Variants in CORO7 observed in about 807,000 individuals in gnomAD.
CORO7 encodes the protein coronin 7.
Under a neutral mutation model 126.6 loss-of-function variants are expected in CORO7, and 107 were observed. The ratio of observed to expected loss-of-function variants is 0.85; its 90% confidence interval spans 0.72 to 0.99. The LOEUF (loss-of-function observed/expected upper bound fraction) is 0.99. Ranked by LOEUF, CORO7 falls within the 50% of genes least tolerant of loss-of-function variation. The pLI, the probability that CORO7 is intolerant of heterozygous loss-of-function variation, is 0.00. For synonymous variants in CORO7, 603 were observed against 536.8 expected, an observed-to-expected ratio of 1.12 and a Z score of -1.70; for missense variants, 1,314 against 1,255.8, an observed-to-expected ratio of 1.05 and a Z score of -0.70.
At chr16:4,403,171 T>C (rs558548412) in intron 6 of CORO7, among the ~76,000 whole-genome samples, 1 of 151,544 alleles carries the variant, frequency 6.6e-6, no homozygotes, top group South Asian at 2.1e-4. Flanking sequence ...TGGTGTGGGG[T>C]GGGCCCATCC....
At chr16:4,404,060 C>T (rs568712149) in intron 6 of CORO7, among the ~76,000 whole-genome samples, 2 of 152,314 alleles carry the variant, frequency 1.3e-5, no homozygotes, top group Non-Finnish European at 2.9e-5. Context: ...TCAACGCACA[C>T]CACAGAGGAA....
intron 9 of CORO7, among the ~76,000 whole-genome samples, chr16:4,375,031 C>T (rs1567265700): frequency 1.3e-5 from 2 of 152,080 alleles, no homozygotes; most frequent in South Asian, 2.1e-4. Context: ...CTGGACTGGC[C>T]CATTTCTAGT....
At chr16:4,407,935 TCTA>T (rs1385766327) in intron 4 of CORO7, among the ~76,000 whole-genome samples, 1 of 152,090 alleles carries the variant, frequency 6.6e-6, no homozygotes, top group East Asian at 1.9e-4. Flanking sequence ...GGGAAGTGGC[TCTA>T]CTGTTTCTGG....
intron 1 of CORO7, among the ~76,000 whole-genome samples, chr16:4,416,106 C>T (rs1410627511): frequency 6.6e-6 from 1 of 152,124 alleles, no homozygotes. Flanking sequence ...GCGCCCCGAG[C>T]CCCGGCTCCC....
At chr16:4,407,875 G>A (rs1349817689) in intron 4 of CORO7, among the ~76,000 whole-genome samples, 191 bp from the exon 5 acceptor site, 4 of 152,202 alleles carry the variant, frequency 2.6e-5, no homozygotes, top group African/African-American at 4.8e-5. Context: ...ATCCGAGAAA[G>A]GAGGGAGGGA....
rs1431143669 is a variant in CORO7 at position 4,360,640 on chromosome 16, G to A, written c.1918-92C>T. Reference sequence around the variant, plus strand: ...CCTGCCCCTCCTCACTGCTGGCGCCGCCCCTCCTCACTGCTGTTCCCGCCT... The same window carrying A: ...CCTGCCCCTCCTCACTGCTGGCGCCACCCCTCCTCACTGCTGTTCCCGCCT... On this transcript the variant is annotated intron_variant, in intron 19 of 27. Transcript: ENST00000251166. 139 of 1,439,568 alleles carry A rather than the reference G, an allele frequency of 9.7e-5. 2 individuals carry two copies. The Admixed American group carries it at 2.2e-3, about 23-fold the overall frequency. 89.2% of individuals were successfully genotyped at this position (1,439,568 alleles called of 1,614,324 possible).
rs943686367 is a variant in CORO7 at position 4,362,588 on chromosome 16, G to A, written c.1402+24C>T. ...CAGACAGGGCTCCTGCGGTAGGGGT[G>A]AGCTCCCCGTCCTGCCTCCTTACCC... On this transcript the variant is annotated intron_variant, in intron 15 of 27. Transcript: ENST00000251166. The surrounding 1 kb of genome is among the most constrained non-coding windows in gnomAD (Gnocchi z 5.3). The A allele has an allele frequency of 6.5e-7, 1 of 1,535,572 alleles. No homozygotes were observed. The highest frequency in any genetic ancestry group is 8.7e-7 in the Non-Finnish European group (1 of 1,145,048).
Position 4,364,936 on chromosome 16 carries a change from T to A in CORO7, c.899-16A>T, listed in dbSNP as rs753904069. The A allele has an allele frequency of 7.5e-6, 12 of 1,608,372 alleles. No homozygotes were observed. Among genetic ancestry groups the A allele is most frequent in the South Asian group, 6.6e-5 (6 of 90,354 alleles). ...CACTGGGTCACTGTTGAGGACACCA[T>A]AGGGGAACAGGCAGGATGGGCAGGG... On this transcript the variant is annotated splice_polypyrimidine_tract_variant and intron_variant, in intron 11 of 27. Coordinates refer to ENST00000251166, the MANE Select transcript of CORO7 (RefSeq NM_024535.5).
intron 9 of CORO7, among the ~76,000 whole-genome samples, chr16:4,376,903 AG>A (rs1398820929): frequency 6.6e-6 from 1 of 152,166 alleles, no homozygotes; most frequent in East Asian, 1.9e-4. Context: ...CCTCTCCCTT[AG>A]TAGTACCCAC....
rs189287305 is a variant in CORO7, at chr16:4,384,316, A to C, written c.785+3670T>G. 5.2e-3 allele frequency among the ~76,000 whole-genome samples: 787 copies of C among 152,334 alleles called. 8 individuals are homozygous for C. The highest frequency in any genetic ancestry group is 0.018 in the African/African-American group (741 of 41,580). ...TGGGAGCATTTTCCAGGAAGGCTGC[A>C]TGCTGAGGTGGGGGCAGTGATGCTG... On this transcript the variant is annotated intron_variant, in intron 9 of 27. Coordinates refer to ENST00000251166, the MANE Select transcript of CORO7 (RefSeq NM_024535.5).
rs2054092253 is a variant in CORO7, at chr16:4,359,559, A to C, written c.2171T>G (p.Val724Gly). 2 of 1,612,986 alleles carry C rather than the reference A, an allele frequency of 1.2e-6. No individual in the cohort carries two copies. The highest frequency in any genetic ancestry group is 1.7e-6 in the Non-Finnish European group (2 of 1,179,722). ...TGAGGGAGCCACGTCCAGGCCCAAC[A>C]CTGCCAAGGGTCCGCCGGCCAGGGC... ...AEALAGGPLA[V>G]LGLDVAPSTL... Residue 724 changes from valine (V) to glycine (G), a missense_variant, in exon 22 of 28, where the codon GTG becomes GGG. By Grantham distance (109) the Val-to-Gly change is moderately radical (BLOSUM62 -3). Coordinates refer to ENST00000251166, the MANE Select transcript of CORO7 (RefSeq NM_024535.5).
At chr16:4,397,475 C>T (rs1188387919) in intron 6 of CORO7, 1 of 151,900 alleles carries the variant, frequency 6.6e-6, no homozygotes, top group East Asian at 1.9e-4. Flanking sequence ...AAAAAGCTGC[C>T]GTAGGCCAGG....
At position 4,382,502 on chromosome 16, in the gene CORO7, G is replaced by A. The variant is rs1396632981; in HGVS notation, c.785+5484C>T. ...TGTGTCATGCCTTTGGGGCCCGGGCGGGTGCCGGAGGGCGAGGAGGCCTGC... is the reference window on the plus strand; with the variant it reads ...TGTGTCATGCCTTTGGGGCCCGGGCAGGTGCCGGAGGGCGAGGAGGCCTGC... On this transcript the variant is annotated intron_variant, in intron 9 of 27. Coordinates refer to ENST00000251166, the MANE Select transcript of CORO7 (RefSeq NM_024535.5). The A allele has an allele frequency of 1.0e-5, 16 of 1,591,986 alleles. No individual in the cohort carries two copies. The highest frequency in any genetic ancestry group is 4.5e-5 in the East Asian group (2 of 43,964).
At chr16:4,382,262 G>C in intron 9 of CORO7, 1 of 1,608,406 alleles carries the variant, frequency 6.2e-7, no homozygotes, top group Non-Finnish European at 8.5e-7. Context: ...AGGCCACCAC[G>C]GTCCCTGACC....
At position 4,388,012 on chromosome 16, in the gene CORO7, G is replaced by C. The variant is rs1179521156; in HGVS notation, c.759C>G (p.Ala253=). Residue 253 remains alanine, a synonymous_variant, in exon 9 of 28, where the codon GCC becomes GCG. Transcript: ENST00000251166. ...CAAGCGAGGTGTCCAAGGTGAGGGAGGCCAGGGCGCTGGAGAAGAACCGCG... is the reference window on the plus strand; with the variant it reads ...CAAGCGAGGTGTCCAAGGTGAGGGACGCCAGGGCGCTGGAGAAGAACCGCG... The part of the protein sequence containing the change: ...WDTRFFSSAL[A]SLTLDTSLGC... 5 of 1,613,060 alleles carry C rather than the reference G, an allele frequency of 3.1e-6. No individual in the cohort carries two copies. Among genetic ancestry groups the C allele is most frequent in the East Asian group, 2.2e-5 (1 of 44,870 alleles).
At chr16:4,405,024 T>A (rs1490901186) in intron 6 of CORO7, among the ~76,000 whole-genome samples, 1 of 152,084 alleles carries the variant, frequency 6.6e-6, no homozygotes, top group Non-Finnish European at 1.5e-5. Flanking sequence ...AGGCCACGCG[T>A]CCCTGGCCTG....
Position 4,358,379 on chromosome 16 carries a change from C to A in CORO7, c.2445G>T (p.Leu815=), listed in dbSNP as rs146875376. ...TCCCCACCCTCACCCGGACTCGGGG[C>A]AGCCGGAAGGCCACAGGCTCCAGGG... ...QSSLEPVAFR[L]PRVRKEFFQD... Residue 815 remains leucine, a synonymous_variant, in exon 24 of 28, where the codon CTG becomes CTT. Transcript: ENST00000251166. 9.3e-6 allele frequency: 15 copies of A among 1,612,414 alleles called. No homozygotes were observed. The highest frequency in any genetic ancestry group is 1.3e-5 in the African/African-American group (1 of 74,926).
At chr16:4,359,263 C>T (rs1262530437) in intron 23 of CORO7, 33 bp downstream of exon 23, 18 of 1,561,254 alleles carry the variant, frequency 1.2e-5, no homozygotes, top group African/African-American at 8.0e-5. Context: ...GCCTTGTGGT[C>T]CCATCGGGGA....
intron 9 of CORO7, among the ~76,000 whole-genome samples, chr16:4,367,487 C>T (rs1362784588): frequency 6.6e-6 from 1 of 152,268 alleles, no homozygotes; most frequent in South Asian, 2.1e-4. Flanking sequence ...GACCCTGCCT[C>T]TGTCCTCAAG....
Sources: allele counts gnomAD v4.1 joint callset (sites outside exome capture counted in the v4.1 genomes callset), GRCh38; gene constraint gnomAD v4.1.1; non-coding constraint Gnocchi (gnomAD v3.1); transcripts MANE v1.5; gene names NCBI Gene and HGNC (gene_info 2026-07-23, HGNC 2026-07-21).